HYAL4: variants seen among roughly 807,000 people sequenced by gnomAD.
The protein encoded by HYAL4 is hyaluronidase 4, also known as hyaluronidase-4.
In HYAL4, 37 loss-of-function variants were observed where a neutral mutation model predicts 35.2. That is an observed-to-expected ratio of 1.05 (90% confidence interval 0.81 to 1.38). The LOEUF is 1.38. Ranked by LOEUF, HYAL4 falls within the 40% of genes most tolerant of loss-of-function variation. The pLI is 0.00. For synonymous variants in HYAL4, 198 were observed against 203.2 expected, an observed-to-expected ratio of 0.97 and a Z score of 0.22; for missense variants, 572 against 572.4, an observed-to-expected ratio of 1.00 and a Z score of 0.01.
At chr7:123,824,301 A>T (rs1805769664), upstream of HYAL4, among the ~76,000 whole-genome samples, 1 of 152,054 alleles carries the variant, frequency 6.6e-6, no homozygotes, top group African/African-American at 2.4e-5. Flanking sequence ...ATTACTTCTT[A>T]CCTCTCTTCC....
chr7:123,832,449 C>T (rs1305767126), intron 1 of HYAL4, among the ~76,000 whole-genome samples: 1 of 144,146 alleles, frequency 6.9e-6, no homozygotes, highest in African/African-American at 2.6e-5. Flanking sequence ...CACCCTTTCC[C>T]CCTGAGTCCC....
the HYAL4 span, among the ~76,000 whole-genome samples, chr7:123,801,405 G>A: frequency 6.6e-5 from 10 of 152,154 alleles, no homozygotes; most frequent in East Asian, 1.7e-3. Flanking sequence ...ATCAAAAATA[G>A]GTAAACTATT....
chr7:123,814,150 A>G, the HYAL4 span: 2 of 152,428 alleles, frequency 1.3e-5, no homozygotes, highest in Non-Finnish European at 2.9e-5. Flanking sequence ...TGTGTAACCC[A>G]TGGGTGGCGT....
the HYAL4 span, among the ~76,000 whole-genome samples, chr7:123,791,909 C>A: frequency 6.6e-6 from 1 of 152,192 alleles, no homozygotes. Flanking sequence ...AATGCCAAGT[C>A]CAAGCACGTG....
the HYAL4 span, among the ~76,000 whole-genome samples, chr7:123,821,886 C>G: frequency 6.6e-6 from 1 of 152,262 alleles, no homozygotes; most frequent in African/African-American, 2.4e-5. Flanking sequence ...TTTCCCAACT[C>G]CATCTCTTGA....
chr7:123,812,092 G>A, the HYAL4 span, among the ~76,000 whole-genome samples: 8 of 152,126 alleles, frequency 5.3e-5, no homozygotes, highest in African/African-American at 1.9e-4. Context: ...TGCCTGCCTC[G>A]GCCTCCCAAA....
chr7:123,770,373 C>T, the HYAL4 span, among the ~76,000 whole-genome samples: 2 of 148,328 alleles, frequency 1.3e-5, no homozygotes, highest in African/African-American at 5.0e-5. Flanking sequence ...ACCCGGGAGG[C>T]GGAGCTTGCA....
chr7:123,834,770 C>A (rs1440827108), intron 1 of HYAL4, among the ~76,000 whole-genome samples: 1 of 152,042 alleles, frequency 6.6e-6, no homozygotes, highest in African/African-American at 2.4e-5. Context: ...GCTGATTTTG[C>A]TGAGAGTTTT....
the HYAL4 span, among the ~76,000 whole-genome samples, chr7:123,778,167 A>G: frequency 5.1e-5 from 6 of 118,106 alleles, no homozygotes; most frequent in South Asian, 2.3e-4. Flanking sequence ...CTGTCTATCT[A>G]TCTATCTATC....
intron 1 of HYAL4, among the ~76,000 whole-genome samples, chr7:123,846,469 C>T (rs1256420007): frequency 1.3e-5 from 2 of 152,116 alleles, no homozygotes; most frequent in Admixed American, 1.3e-4. Context: ...TCATACAACC[C>T]AAAAGGCCAG....
chr7:123,828,915 C>G (rs890253011), upstream of HYAL4: 1 of 152,632 alleles, frequency 6.6e-6, no homozygotes, highest in South Asian at 2.1e-4. Flanking sequence ...TATGGAATCA[C>G]ACTTTGAAAG....
At chr7:123,853,262 A>G (rs1006519071) in intron 2 of HYAL4, among the ~76,000 whole-genome samples, 3 of 152,172 alleles carry the variant, frequency 2.0e-5, no homozygotes, top group Admixed American at 6.5e-5. Context: ...AGAACTTCCA[A>G]TACTGTGTTG....
At chr7:123,842,443 C>T (rs544207597), upstream of HYAL4, among the ~76,000 whole-genome samples, 22 of 151,972 alleles carry the variant, frequency 1.4e-4, no homozygotes, top group Non-Finnish European at 2.8e-4. Flanking sequence ...AGAATAAGTG[C>T]GATGTGGTGC....
At chr7:123,781,865 T>C in the HYAL4 span, among the ~76,000 whole-genome samples, 1 of 152,154 alleles carries the variant, frequency 6.6e-6, no homozygotes. Flanking sequence ...CTATGGACAG[T>C]GCTAGTCTAG....
the HYAL4 span, among the ~76,000 whole-genome samples, chr7:123,815,550 G>A: frequency 1.3e-5 from 2 of 152,154 alleles, no homozygotes; most frequent in African/African-American, 2.4e-5. Flanking sequence ...AGTGGTTATT[G>A]TCAAGGCATT....
chr7:123,806,770 C>T, the HYAL4 span, among the ~76,000 whole-genome samples: 13 of 152,004 alleles, frequency 8.6e-5, no homozygotes, highest in African/African-American at 1.4e-4. Flanking sequence ...CCATTTCTCT[C>T]GTACTCCTTC....
chr7:123,799,981 T>C, the HYAL4 span, among the ~76,000 whole-genome samples: 1 of 151,378 alleles, frequency 6.6e-6, no homozygotes, highest in South Asian at 2.1e-4. Flanking sequence ...GGCAACATGG[T>C]GAAACCCCGC....
intron 2 of HYAL4, among the ~76,000 whole-genome samples, chr7:123,865,157 G>A (rs1399496849): frequency 6.6e-6 from 1 of 152,068 alleles, no homozygotes; most frequent in African/African-American, 2.4e-5. Context: ...TGAGGGAGCC[G>A]ACCAAAGGGG....
intron 1 of HYAL4, among the ~76,000 whole-genome samples, chr7:123,829,927 A>G (rs1805855033): frequency 6.6e-6 from 1 of 152,214 alleles, no homozygotes; most frequent in African/African-American, 2.4e-5. Flanking sequence ...TAAAATGATT[A>G]GGGAGTGTGA....
Sources: gnomAD v4.1 joint callset for allele counts (sites outside exome capture counted in the v4.1 genomes callset) on GRCh38, gnomAD v4.1.1 for gene constraint, MANE v1.5 for transcripts, NCBI Gene and HGNC (gene_info 2026-07-23, HGNC 2026-07-21) for gene names.